The following MVB12B variants were observed in gnomAD, a reference collection of about 807,000 sequenced individuals.
MVB12B encodes ESCRT-I complex subunit MVB12B.
Under a neutral mutation model 41.6 loss-of-function variants are expected in MVB12B, and 16 were observed. That is an observed-to-expected ratio of 0.38 (90% CI 0.26 to 0.58). The LOEUF is 0.58. Ranked by LOEUF, MVB12B falls within the 20% of genes least tolerant of loss-of-function variation. The probability of loss-of-function intolerance (pLI) is 0.62; values close to 1 mark genes in which losing one functional copy is unlikely to be tolerated. For synonymous variants in MVB12B, 133 were observed against 139.7 expected (o/e 0.95, Z 0.34); for missense variants, 274 against 380.2 (o/e 0.72, Z 2.32).
chr9:126,396,563 A>T (rs867171819), intron 6 of MVB12B: 1 of 985,532 alleles, frequency 1.0e-6, no homozygotes, highest in Non-Finnish European at 1.2e-6. Context: ...TGGGCCATCC[A>T]CAATACAGCC....
At chr9:126,492,166 C>T (rs1833746557) in intron 9 of MVB12B, among the ~76,000 whole-genome samples, 1 of 147,204 alleles carries the variant, frequency 6.8e-6, no homozygotes, top group South Asian at 2.3e-4. Context: ...GTACTGCCGG[C>T]TGCGACCTGC....
In MVB12B at chr9:126,503,476, A is replaced by G. The variant is rs1429460139; in HGVS notation, c.*213A>G. 1 of 592,270 alleles carries G rather than the reference A, an allele frequency of 1.7e-6. No individual in the cohort carries two copies. Among genetic ancestry groups the G allele is most frequent in the Non-Finnish European group, 3.0e-6 (1 of 331,800 alleles). 36.7% of individuals were successfully genotyped at this position (592,270 alleles called of 1,614,324 possible). A position where few individuals can be genotyped will look rare whatever the true frequency, so the allele number is the denominator to read the frequency against. On this transcript the variant is annotated 3_prime_UTR_variant, in exon 10 of 10. Coordinates refer to ENST00000361171, the MANE Select transcript of MVB12B (RefSeq NM_033446.3). ...CTCCCTGGGGACATTGTTCATAACC[A>G]TGACTAATCTGTGTGTGCTGTAGTG...
chr9:126,490,066 G>A (rs1290033888), intron 9 of MVB12B, among the ~76,000 whole-genome samples: 9 of 152,160 alleles, frequency 5.9e-5, no homozygotes, highest in Admixed American at 5.9e-4. Context: ...CGCAGCCAGC[G>A]CCCATGATGA....
intron 2 of MVB12B, among the ~76,000 whole-genome samples, chr9:126,374,074 T>C (rs1007635500): frequency 2.0e-5 from 3 of 152,240 alleles, no homozygotes; most frequent in African/African-American, 7.2e-5. Context: ...TTGTTTCAAA[T>C]GGCTGTTGAG....
chr9:126,363,422 C>T (rs1354470312), intron 2 of MVB12B, among the ~76,000 whole-genome samples: 1 of 151,988 alleles, frequency 6.6e-6, no homozygotes, highest in East Asian at 1.9e-4. Context: ...AAGTGATCGA[C>T]CTGTGGACTA....
intron 7 of MVB12B, among the ~76,000 whole-genome samples, chr9:126,463,275 A>G (rs900747741): frequency 2.0e-5 from 3 of 152,154 alleles, no homozygotes; most frequent in African/African-American, 7.2e-5. Flanking sequence ...ATCCTCTCAC[A>G]TGCACCATGA....
Position 126,415,997 on chromosome 9 carries a change from G to A in MVB12B, c.663-5857G>A, listed in dbSNP as rs981949707. Among the ~76,000 whole-genome samples the A allele has an allele frequency of 3.3e-5, 5 of 152,200 alleles. No homozygotes were observed. The South Asian group carries it at 8.3e-4, about 25-fold the overall frequency. On this transcript the variant is annotated intron_variant, in intron 6 of 9. Transcript: ENST00000361171. ...GAGCAGAGGCTGGAGGAACAAAAGC[G>A]GCTACTGAGGTTGGCAGACGTGAAT...
At chr9:126,329,862 C>A (rs1359666616) in intron 1 of MVB12B, among the ~76,000 whole-genome samples, 1 of 151,972 alleles carries the variant, frequency 6.6e-6, no homozygotes, top group Non-Finnish European at 1.5e-5. Context: ...GACTCCTTCT[C>A]CCCAGGCTGC....
chr9:126,463,172 G>A (rs2119179047), intron 7 of MVB12B, among the ~76,000 whole-genome samples: 1 of 152,274 alleles, frequency 6.6e-6, no homozygotes, highest in African/African-American at 2.4e-5. Flanking sequence ...AATGGTTCTT[G>A]ACAGTCCTGC....
intron 7 of MVB12B, among the ~76,000 whole-genome samples, chr9:126,451,953 C>T (rs140914971): frequency 2.6e-5 from 4 of 152,282 alleles, no homozygotes; most frequent in Admixed American, 6.5e-5. Flanking sequence ...TGGAATGCCG[C>T]GGGCTTGGTG....
intron 6 of MVB12B, chr9:126,397,389 T>A: frequency 1.0e-6 from 1 of 985,404 alleles, no homozygotes; most frequent in Non-Finnish European, 1.2e-6. Context: ...CTGGTGGGTT[T>A]GGAGGGTAGT....
intron 7 of MVB12B, among the ~76,000 whole-genome samples, chr9:126,472,998 C>T (rs1341853234): frequency 1.3e-5 from 2 of 152,194 alleles, no homozygotes; most frequent in African/African-American, 4.8e-5. Flanking sequence ...AAGAAGAAAG[C>T]ACTGGCCTAG....
intron 1 of MVB12B, among the ~76,000 whole-genome samples, chr9:126,338,168 C>A (rs1410988531): frequency 6.6e-6 from 1 of 152,242 alleles, no homozygotes; most frequent in Non-Finnish European, 1.5e-5. Flanking sequence ...CCGCCTCCGT[C>A]CGGGGCACAG....
chr9:126,377,552 G>T (rs542759581), intron 2 of MVB12B, among the ~76,000 whole-genome samples: 2 of 152,142 alleles, frequency 1.3e-5, no homozygotes, highest in African/African-American at 4.8e-5. Flanking sequence ...GACAGGGTAT[G>T]TGGCTTTTCA....
chr9:126,354,814 C>G (rs1459988560), intron 2 of MVB12B, among the ~76,000 whole-genome samples: 1 of 152,034 alleles, frequency 6.6e-6, no homozygotes, highest in Non-Finnish European at 1.5e-5. Flanking sequence ...TGTAGCCGAT[C>G]TTGAAATATG....
chr9:126,430,283 C>T (rs2119112529), intron 7 of MVB12B, among the ~76,000 whole-genome samples: 1 of 152,296 alleles, frequency 6.6e-6, no homozygotes, highest in South Asian at 2.1e-4. Flanking sequence ...ACCAGCCCCA[C>T]CCGTGTCCCA....
intron 7 of MVB12B, among the ~76,000 whole-genome samples, chr9:126,469,281 C>G (rs1376886468): frequency 6.6e-6 from 1 of 152,250 alleles, no homozygotes; most frequent in Non-Finnish European, 1.5e-5. Flanking sequence ...GTACAGACCA[C>G]TACCAAGGCT....
chr9:126,406,990 G>T (rs1233660144), intron 6 of MVB12B, among the ~76,000 whole-genome samples: 3 of 152,214 alleles, frequency 2.0e-5, no homozygotes, highest in Non-Finnish European at 4.4e-5. Context: ...TTCCTAGGCT[G>T]AGATTAAGCA....
intron 9 of MVB12B, among the ~76,000 whole-genome samples, chr9:126,485,527 A>G (rs1457521124): frequency 3.5e-5 from 4 of 115,174 alleles, no homozygotes; most frequent in Admixed American, 1.7e-4. Context: ...ACTGTGCTTC[A>G]TGAGGTCAGG....
Sources: gnomAD v4.1 joint callset for allele counts (sites outside exome capture counted in the v4.1 genomes callset) on GRCh38, gnomAD v4.1.1 for gene constraint, MANE v1.5 for transcripts, NCBI Gene and HGNC (gene_info 2026-07-23, HGNC 2026-07-21) for gene names.